The following WDPCP variants were observed in gnomAD, a reference collection of about 807,000 sequenced individuals.
WDPCP encodes WD repeat containing planar cell polarity effector, also known as WD repeat-containing and planar cell polarity effector protein fritz homolog.
A neutral mutation model predicts 93.1 loss-of-function variants in WDPCP; 71 were observed. The observed-to-expected ratio is 0.76, with a 90% CI of 0.63 to 0.93. WDPCP has a LOEUF of 0.93. WDPCP is among the 40% of genes least tolerant of loss of function. The probability of loss-of-function intolerance (pLI) is 0.00; values close to 1 mark genes in which losing one functional copy is unlikely to be tolerated. For missense variants in WDPCP, 844 were observed against 887.4 expected (o/e 0.95, Z 0.62); for synonymous variants, 315 against 315.0 (o/e 1.00, Z 0.00).
At chr2:63,668,236 C>G (rs1710305307) in intron 2 of WDPCP, among the ~76,000 whole-genome samples, 1 of 152,138 alleles carries the variant, frequency 6.6e-6, no homozygotes, top group South Asian at 2.1e-4. Context: ...CTCTCCCTGG[C>G]TGGGGTCATC....
chr2:63,587,677 T>C (rs769264109), intron 1 of WDPCP, among the ~76,000 whole-genome samples: 6 of 152,362 alleles, frequency 3.9e-5, no homozygotes, highest in Admixed American at 6.5e-5. Flanking sequence ...AGCACAGCAA[T>C]TCTCTTGGCA....
In WDPCP at chr2:63,795,082, T is replaced by C. The variant is rs376825657; in HGVS notation, n.308+18540A>G. 1.4e-4 allele frequency among the ~76,000 whole-genome samples: 21 copies of C among 152,326 alleles called. 1 individual carries two copies. In the South Asian group the frequency reaches 3.9e-3, roughly 29 times the overall value. ...TACTCTACTTCCAGCCTTCTTATTA[T>C]CTGATTAACAGAAATTCTCATTGTT... On this transcript the variant is annotated intron_variant and non_coding_transcript_variant, in intron 2 of 4. Transcript: ENST00000467687.
At chr2:63,358,859 C>A (rs577727146) in intron 12 of WDPCP, among the ~76,000 whole-genome samples, 1 of 152,218 alleles carries the variant, frequency 6.6e-6, no homozygotes, top group South Asian at 2.1e-4. Flanking sequence ...TTTTAAATCC[C>A]CAAAATTTCT....
At chr2:63,180,874 G>A (rs1174101631) in intron 14 of WDPCP, among the ~76,000 whole-genome samples, 1 of 152,016 alleles carries the variant, frequency 6.6e-6, no homozygotes, top group African/African-American at 2.4e-5. Context: ...TAGCCATTAT[G>A]ACTTGCGTGA....
chr2:63,500,311 G>A (rs1157161413), intron 1 of WDPCP, among the ~76,000 whole-genome samples: 1 of 152,170 alleles, frequency 6.6e-6, no homozygotes, highest in Non-Finnish European at 1.5e-5. Context: ...TCTAAATAGA[G>A]AGTAAAGCCA....
At chr2:63,504,008 A>G (rs952145396) in intron 1 of WDPCP, among the ~76,000 whole-genome samples, 3 of 152,060 alleles carry the variant, frequency 2.0e-5, no homozygotes, top group Non-Finnish European at 2.9e-5. Context: ...GTCAGATTTC[A>G]CTTGTCAACA....
chr2:63,619,965 G>C (rs1306945998), intron 3 of WDPCP, among the ~76,000 whole-genome samples: 1 of 152,168 alleles, frequency 6.6e-6, no homozygotes, highest in African/African-American at 2.4e-5. Context: ...GAGGGACTGT[G>C]CCATGAAAAA....
chr2:63,282,833 T>C (rs1483938039), intron 13 of WDPCP, among the ~76,000 whole-genome samples: 1 of 152,208 alleles, frequency 6.6e-6, no homozygotes, highest in Non-Finnish European at 1.5e-5. Flanking sequence ...CTGATATTCA[T>C]GTCCTTTATA....
chr2:63,383,705 T>C (rs1692505933), intron 10 of WDPCP, among the ~76,000 whole-genome samples: 1 of 152,098 alleles, frequency 6.6e-6, no homozygotes, highest in African/African-American at 2.4e-5. Context: ...AGAGTGAGAC[T>C]CTGTCTCAAT....
upstream of WDPCP, among the ~76,000 whole-genome samples, chr2:63,832,337 T>C (rs1419086485): frequency 6.6e-6 from 1 of 152,184 alleles, no homozygotes; most frequent in Admixed American, 6.5e-5. Flanking sequence ...GGTTGAAAGC[T>C]GAAAAGCTTC....
intron 14 of WDPCP, among the ~76,000 whole-genome samples, chr2:63,237,112 A>G (rs748627549): frequency 5.9e-5 from 9 of 152,122 alleles, no homozygotes; most frequent in East Asian, 1.9e-4. Context: ...TCCGGAATCT[A>G]TAAGGAACTT....
chr2:63,588,908 G>C, upstream of WDPCP: 2 of 1,215,420 alleles, frequency 1.6e-6, no homozygotes, highest in East Asian at 2.3e-5. Flanking sequence ...ACAGTTCCCA[G>C]AGAGCGCCGC....
intron 1 of WDPCP, among the ~76,000 whole-genome samples, chr2:63,575,527 A>ACT (rs1348928837): frequency 2.3e-5 from 3 of 130,478 alleles, no homozygotes; most frequent in East Asian, 2.3e-4. Flanking sequence ...TAGTATATAC[A>ACT]GTATATACAC....
chr2:63,476,814 G>A (rs1700001530), intron 6 of WDPCP, among the ~76,000 whole-genome samples: 1 of 152,136 alleles, frequency 6.6e-6, no homozygotes, highest in South Asian at 2.1e-4. Context: ...GAAAAATCAA[G>A]TTCTACAATT....
chr2:63,332,068 T>C (rs1180081243), intron 12 of WDPCP, among the ~76,000 whole-genome samples: 1 of 151,566 alleles, frequency 6.6e-6, no homozygotes, highest in African/African-American at 2.4e-5. Context: ...TTTTCAGTTC[T>C]CTTGGGGGGA....
At chr2:63,677,713 T>C (rs905132478) in intron 2 of WDPCP, among the ~76,000 whole-genome samples, 10 of 152,172 alleles carry the variant, frequency 6.6e-5, no homozygotes, top group Non-Finnish European at 1.3e-4. Context: ...CTGATGAAGA[T>C]ATCCCTCAAA....
rs1179057376 is a variant in WDPCP at position 63,765,274 on chromosome 2, G to T, written n.308+48348C>A. ...TTCAGCTGAGATCTGAACAATAAAG[G>T]GTAGGGAAGGCAAGAGGGTGGGGGC... On this transcript the variant is annotated intron_variant and non_coding_transcript_variant, in intron 2 of 4. Transcript: ENST00000467687. Among the ~76,000 whole-genome samples, 3 of 152,162 alleles carry T rather than the reference G, an allele frequency of 2.0e-5. No individual in the cohort carries two copies. In the East Asian group the frequency reaches 5.8e-4, roughly 29 times the overall value.
chr2:63,306,568 G>T (rs1685760874), intron 13 of WDPCP, among the ~76,000 whole-genome samples: 2 of 152,280 alleles, frequency 1.3e-5, no homozygotes, highest in South Asian at 4.2e-4. Flanking sequence ...TTATCCCTGG[G>T]ATGCAAGGCT....
intron 13 of WDPCP, among the ~76,000 whole-genome samples, chr2:63,272,808 T>A (rs1237441840): frequency 6.6e-6 from 1 of 152,204 alleles, no homozygotes; most frequent in South Asian, 2.1e-4. Context: ...GGCGACAATA[T>A]GGGCAAAGGT....
Sources: gnomAD v4.1 joint callset for allele counts (sites outside exome capture counted in the v4.1 genomes callset) on GRCh38, gnomAD v4.1.1 for gene constraint, MANE v1.5 for transcripts, NCBI Gene and HGNC (gene_info 2026-07-23, HGNC 2026-07-21) for gene names.